Variants in ZFYVE21 observed in about 807,000 individuals in gnomAD.
ZFYVE21 encodes zinc finger FYVE domain-containing protein 21.
Under a neutral mutation model 29.5 loss-of-function variants are expected in ZFYVE21, and 21 were observed. The ratio of observed to expected loss-of-function variants is 0.71; its 90% CI spans 0.50 to 1.02. The LOEUF is 1.02. ZFYVE21 is among the 50% of genes least tolerant of loss of function. The pLI is 0.00. For missense variants in ZFYVE21, 326 were observed against 335.4 expected, an observed-to-expected ratio of 0.97 and a Z score of 0.22; for synonymous variants, 151 against 133.8, an observed-to-expected ratio of 1.13 and a Z score of -0.89.
rs1391279087 is a variant in ZFYVE21 at position 103,715,970 on chromosome 14, G to A, written c.129G>A (p.Pro43=). The change falls in exon 1 of 7, where the codon CCG becomes CCA. Residue 43 remains proline (P), a synonymous_variant. Coordinates refer to ENST00000311141, the MANE Select transcript of ZFYVE21 (RefSeq NM_024071.4). ...GCCTGGAGGAGCCGCAGTGGGTCCC[G>A]GACAAGGAGGTGGGTGGCCGTCGCC... ...PFGLEEPQWV[P]DKECRRCMQC... is the part of the protein sequence containing the mutation. The A allele has an allele frequency of 7.5e-7, 1 of 1,342,072 alleles. No individual in the cohort carries two copies. Among genetic ancestry groups the A allele is most frequent in the South Asian group, 1.7e-5 (1 of 59,352 alleles). The allele number at this position is 1,342,072 out of a possible 1,614,324, so 83.1% of individuals were successfully genotyped here. A position where few individuals can be genotyped will look rare whatever the true frequency, so the allele number is the denominator to read the frequency against.
Position 103,733,587 on chromosome 14 carries a change from C to G in ZFYVE21, c.*569C>G, listed in dbSNP as rs993123757. 6.5e-6 allele frequency: 1 copy of G among 153,170 alleles called. No homozygotes were observed. The highest frequency in any genetic ancestry group is 2.4e-5 in the African/African-American group (1 of 41,442). 9.5% of individuals were successfully genotyped at this position (153,170 alleles called of 1,614,324 possible). A position where few individuals can be genotyped will look rare whatever the true frequency, so the allele number is the denominator to read the frequency against. ...GGGGCTTTGTGTTTTGTACTTTTCA[C>G]TCACTATTTCACTTTATTAAGATGA... On this transcript the variant is annotated 3_prime_UTR_variant, in exon 7 of 7. Transcript: ENST00000311141.
At chr14:103,721,446 A>G (rs1489096124) in intron 1 of ZFYVE21, among the ~76,000 whole-genome samples, 1 of 152,238 alleles carries the variant, frequency 6.6e-6, no homozygotes, top group African/African-American at 2.4e-5. Flanking sequence ...TGGCCCTGCA[A>G]GGTGGCCACG....
Position 103,732,760 on chromosome 14 carries a change from A to T in ZFYVE21, c.667A>T (p.Lys223Ter). 1 of 1,611,796 alleles carries T rather than the reference A, an allele frequency of 6.2e-7. No homozygotes were observed. The highest frequency in any genetic ancestry group is 8.5e-7 in the Non-Finnish European group (1 of 1,179,252). The change falls in exon 6 of 7, where the codon AAG (lysine) becomes TAG (stop). Residue 223 changes from lysine to a stop codon, truncating the protein, a stop_gained and splice_region_variant. Transcript: ENST00000311141. LOFTEE classifies it high-confidence loss of function. ...QAVAWLVAMH[K>*]AAKLLYESRD... ...GGTGGCGTGGCTAGTGGCCATGCAC[A>T]AGGTACCTGAGCCCAGGCCAGGGAG... is the stretch of plus-strand genomic sequence containing the variant.
intron 5 of ZFYVE21, 166 bp downstream of exon 5, chr14:103,729,348 G>A: frequency 1.5e-6 from 1 of 669,200 alleles, no homozygotes; most frequent in South Asian, 1.9e-5. Flanking sequence ...TATTTACTCA[G>A]TGGCTTTAGA....
intron 1 of ZFYVE21, among the ~76,000 whole-genome samples, chr14:103,721,293 T>C (rs1281271883): frequency 6.6e-6 from 1 of 152,234 alleles, no homozygotes. Context: ...CTCTGACTCC[T>C]GTAGGCAGCC....
At chr14:103,724,492 C>T (rs775538122) in intron 1 of ZFYVE21, 2 of 152,268 alleles carry the variant, frequency 1.3e-5, no homozygotes, top group African/African-American at 2.4e-5. Context: ...GCCTCCTTTT[C>T]GAGACTTCAG....
chr14:103,720,296 G>A (rs1247551080), intron 1 of ZFYVE21, among the ~76,000 whole-genome samples: 1 of 152,190 alleles, frequency 6.6e-6, no homozygotes, highest in African/African-American at 2.4e-5. Flanking sequence ...TTTTCTGTTT[G>A]TAGGAGTTAC....
At chr14:103,717,872 C>A (rs2083840634) in intron 1 of ZFYVE21, among the ~76,000 whole-genome samples, 1 of 152,236 alleles carries the variant, frequency 6.6e-6, no homozygotes, top group African/African-American at 2.4e-5. Flanking sequence ...CATGGTCTTA[C>A]AGGCCAGAAA....
rs2083941961 is a variant in ZFYVE21 at position 103,727,793 on chromosome 14, C to A, written c.237C>A (p.Ser79Arg). ...CGKCFCDRCC[S>R]QKVPLRRMCF... ...AGTGCTTCTGCGACAGGTGCTGCAGCCAGAAGGTGCCGCTGCGGCGCATGT... is the reference window on the plus strand; with the variant it reads ...AGTGCTTCTGCGACAGGTGCTGCAGACAGAAGGTGCCGCTGCGGCGCATGT... Residue 79 changes from serine to arginine, a missense_variant, in exon 3 of 7, where the codon AGC (serine) becomes AGA (arginine). Transcript: ENST00000311141. The A allele has an allele frequency of 1.9e-6, 3 of 1,612,150 alleles. No individual in the cohort carries two copies. The African/African-American group carries it at 4.0e-5, about 22-fold the overall frequency.
chr14:103,729,868 G>A lies in ZFYVE21; in HGVS notation c.526+686G>A, dbSNP rs563602150. 73 of 1,535,346 alleles carry A rather than the reference G, an allele frequency of 4.8e-5. No homozygotes were observed. In the South Asian group the frequency reaches 5.5e-4, roughly 12 times the overall value. On this transcript the variant is annotated intron_variant, in intron 5 of 6. Transcript: ENST00000311141. ...GAAGGTCAGCCTCTTCCTCCTCACC[G>A]GGGCTCCCCGCATGCAGCGGGCCCG...
intron 1 of ZFYVE21, among the ~76,000 whole-genome samples, chr14:103,717,916 C>G (rs145358657): frequency 3.3e-5 from 5 of 152,302 alleles, no homozygotes; most frequent in African/African-American, 1.2e-4. Flanking sequence ...GAACTTAGAA[C>G]GGGGCAGTAA....
Position 103,733,144 on chromosome 14 carries a change from T to A in ZFYVE21, c.*126T>A. 1 of 1,289,772 alleles carries A rather than the reference T, an allele frequency of 7.8e-7. No individual in the cohort carries two copies. The highest frequency in any genetic ancestry group is 1.1e-6 in the Non-Finnish European group (1 of 908,256). 79.9% of individuals were successfully genotyped at this position (1,289,772 alleles called of 1,614,324 possible). On this transcript the variant is annotated 3_prime_UTR_variant, in exon 7 of 7. Transcript: ENST00000311141. ...TGTGCTGGGAAATGCAACTCACTCA[T>A]GTATTTGGAGAAACAGGAGTGTTCA...
In ZFYVE21 at chr14:103,716,057, C is replaced by G; in HGVS notation, c.138+78C>G. ...CCGGCCCCGCGGGCTTCCAGGCTCC[C>G]GCGACGACCCCTCCGCCTCCGGGCG... On this transcript the variant is annotated intron_variant, in intron 1 of 6. Coordinates refer to ENST00000311141, the MANE Select transcript of ZFYVE21 (RefSeq NM_024071.4). This position sits in a 1 kb window ranked among gnomAD's most constrained non-coding sequence, Gnocchi z 4.8. 8.7e-7 allele frequency: 1 copy of G among 1,151,988 alleles called. No homozygotes were observed. The highest frequency in any genetic ancestry group is 1.1e-6 in the Non-Finnish European group (1 of 934,050). The allele number at this position is 1,151,988 out of a possible 1,614,324, so 71.4% of individuals were successfully genotyped here.
At chr14:103,723,193 C>CAA (rs1472312985) in intron 1 of ZFYVE21, among the ~76,000 whole-genome samples, 3 of 152,358 alleles carry the variant, frequency 2.0e-5, no homozygotes, top group African/African-American at 7.2e-5. Context: ...GTGAAGCTTT[C>CAA]TCTAGCAGAT....
chr14:103,732,895 G>A (rs141984742), intron 6 of ZFYVE21, 88 bp from the exon 7 acceptor site: 24 of 1,604,798 alleles, frequency 1.5e-5, no homozygotes, highest in Middle Eastern at 1.7e-4. Flanking sequence ...GGGTGCCCAC[G>A]CCATCTCCCC....
At position 103,727,738 on chromosome 14, in the gene ZFYVE21, C is replaced by T. The variant is rs774281080; in HGVS notation, c.190-8C>T. 6.2e-7 allele frequency: 1 copy of T among 1,604,282 alleles called. No individual in the cohort carries two copies. On this transcript the variant is annotated splice_polypyrimidine_tract_variant and splice_region_variant and intron_variant, in intron 2 of 6. Transcript: ENST00000311141. ...CTCCTCACTGCCAATCCTCCCGCATCTGCCCAGCACCACTGTCGCCGCTGC... is the reference window on the plus strand; with the variant it reads ...CTCCTCACTGCCAATCCTCCCGCATTTGCCCAGCACCACTGTCGCCGCTGC...
rs563201609 is a variant in ZFYVE21 at position 103,716,591 on chromosome 14, C to T, written c.138+612C>T. Among the ~76,000 whole-genome samples the T allele has an allele frequency of 3.9e-5, 6 of 152,352 alleles. No homozygotes were observed. In the East Asian group the frequency reaches 1.2e-3, roughly 29 times the overall value. On this transcript the variant is annotated intron_variant, in intron 1 of 6. Coordinates refer to ENST00000311141, the MANE Select transcript of ZFYVE21 (RefSeq NM_024071.4). This position sits in a 1 kb window ranked among gnomAD's most constrained non-coding sequence, Gnocchi z 4.8. Reference sequence around the variant, plus strand: ...GTTTCCCTTCGTCTATACCACCCTCCACCTCGGAAGCGAGGTCGCAGTCGC... The same window carrying T: ...GTTTCCCTTCGTCTATACCACCCTCTACCTCGGAAGCGAGGTCGCAGTCGC...
intron 3 of ZFYVE21, among the ~76,000 whole-genome samples, chr14:103,728,381 C>T (rs1340271202): frequency 1.3e-5 from 2 of 152,202 alleles, no homozygotes; most frequent in Admixed American, 6.5e-5. Context: ...CAACGAGCAG[C>T]GCCTTCTCCC....
chr14:103,720,903 G>T (rs1436376824), intron 1 of ZFYVE21, among the ~76,000 whole-genome samples: 3 of 152,148 alleles, frequency 2.0e-5, no homozygotes, highest in African/African-American at 7.2e-5. Context: ...GCTCACTTCA[G>T]CCTTCACCTC....
Sources: gnomAD v4.1 joint callset for allele counts (sites outside exome capture counted in the v4.1 genomes callset) on GRCh38, gnomAD v4.1.1 for gene constraint, Gnocchi (gnomAD v3.1) non-coding constraint, MANE v1.5 for transcripts, NCBI Gene and HGNC (gene_info 2026-07-23, HGNC 2026-07-21) for gene names.